Variants in AUTS2 observed in about 807,000 individuals in gnomAD.
AUTS2 encodes the protein activator of transcription and developmental regulator AUTS2.
Under a neutral mutation model 112.4 loss-of-function variants are expected in AUTS2, and 17 were observed. The observed-to-expected ratio is 0.15, with a 90% CI of 0.10 to 0.23. AUTS2 has a LOEUF of 0.23. AUTS2 is among the 10% of genes least tolerant of loss of function. AUTS2 has a pLI of 1.00. For missense variants in AUTS2, 1,510 were observed against 1,701.6 expected (o/e 0.89, Z 1.98); for synonymous variants, 751 against 702.7 (o/e 1.07, Z -1.09).
intron 1 of AUTS2, among the ~76,000 whole-genome samples, chr7:69,884,737 C>T (rs1294541732): frequency 3.3e-5 from 5 of 152,212 alleles, no homozygotes; most frequent in Non-Finnish European, 2.9e-5. Context: ...AATTGCCTCA[C>T]AGCATCTGAT....
At chr7:70,240,638 A>G (rs1812562656) in intron 4 of AUTS2, among the ~76,000 whole-genome samples, 1 of 152,188 alleles carries the variant, frequency 6.6e-6, no homozygotes, top group Non-Finnish European at 1.5e-5. Flanking sequence ...CAAGGCTTGC[A>G]TGCCATTTTT....
At chr7:69,714,249 ATGTG>A (rs200192496) in intron 1 of AUTS2, among the ~76,000 whole-genome samples, 48 of 92,854 alleles carry the variant, frequency 5.2e-4, no homozygotes, top group Admixed American at 1.2e-3. Flanking sequence ...GTGTGTGTAT[ATGTG>A]TGTGTGTGTG....
intron 1 of AUTS2, among the ~76,000 whole-genome samples, chr7:69,687,290 G>T (rs1797103644): frequency 6.6e-6 from 1 of 152,206 alleles, no homozygotes; most frequent in South Asian, 2.1e-4. Context: ...ATTGACTTAA[G>T]ACCACAGTGA....
At chr7:70,723,777 G>T (rs113511499) in intron 6 of AUTS2, among the ~76,000 whole-genome samples, 189 of 149,012 alleles carry the variant, frequency 1.3e-3, no homozygotes, top group African/African-American at 4.6e-3. Flanking sequence ...CACATGTAAA[G>T]CTGATTTGTT....
chr7:70,606,531 G>A lies in AUTS2; in HGVS notation c.691-92038G>A, dbSNP rs149460031. 1.7e-3 allele frequency among the ~76,000 whole-genome samples: 263 copies of A among 152,198 alleles called. 1 individual carries two copies. Among genetic ancestry groups the A allele is most frequent in the African/African-American group, 5.2e-3 (216 of 41,546 alleles). ...CATGAAGCTTATATTATAGTGCAGC[G>A]CCCATAAGCTTTTCAAAATCTTCAA... is the stretch of plus-strand genomic sequence containing the variant. On this transcript the variant is annotated intron_variant, in intron 5 of 18. Coordinates refer to ENST00000342771, the MANE Select transcript of AUTS2 (RefSeq NM_015570.4).
In AUTS2 at chr7:70,004,168, A is replaced by AT. The variant is rs1399464493; in HGVS notation, c.522+104671dup. Among the ~76,000 whole-genome samples the AT allele has an allele frequency of 2.2e-4, 26 of 118,998 alleles. 2 individuals carry two copies. The highest frequency in any genetic ancestry group is 6.2e-4 in the African/African-American group (19 of 30,462). The allele number at this position is 118,998 out of a possible 152,430, so 78.1% of individuals were successfully genotyped here. A position where few individuals can be genotyped will look rare whatever the true frequency, so the allele number is the denominator to read the frequency against. ...ATGAATGTGTTATATGTGAATATATATAATATGAATGTGTTATATGTGAAT... is the reference window on the plus strand; with the variant it reads ...ATGAATGTGTTATATGTGAATATATATTAATATGAATGTGTTATATGTGAAT... On this transcript the variant is annotated intron_variant, in intron 2 of 18. Coordinates refer to ENST00000342771, the MANE Select transcript of AUTS2 (RefSeq NM_015570.4).
chr7:70,171,754 G>T (rs992906337), intron 4 of AUTS2, among the ~76,000 whole-genome samples: 2 of 152,290 alleles, frequency 1.3e-5, no homozygotes, highest in Middle Eastern at 3.4e-3. Flanking sequence ...TCAGCATTCC[G>T]GTAAATGGAG....
intron 1 of AUTS2, among the ~76,000 whole-genome samples, chr7:69,842,227 G>T (rs1434216233): frequency 6.6e-6 from 1 of 152,032 alleles, no homozygotes; most frequent in African/African-American, 2.4e-5. Context: ...TAATATTATG[G>T]TTTGGTAGAT....
chr7:70,466,592 C>T (rs770653430), intron 5 of AUTS2, among the ~76,000 whole-genome samples: 10 of 152,166 alleles, frequency 6.6e-5, no homozygotes, highest in Admixed American at 1.3e-4. Flanking sequence ...AGGTTTTCTT[C>T]GTGGACAAAT....
At chr7:70,724,915 G>A (rs1476131147) in intron 6 of AUTS2, among the ~76,000 whole-genome samples, 2 of 152,166 alleles carry the variant, frequency 1.3e-5, no homozygotes, top group Non-Finnish European at 2.9e-5. Context: ...TGGGGAGGGA[G>A]TGAGTTTGAG....
chr7:70,150,555 T>C (rs1807374632), intron 4 of AUTS2, among the ~76,000 whole-genome samples: 2 of 152,202 alleles, frequency 1.3e-5, no homozygotes, highest in African/African-American at 4.8e-5. Context: ...ACTAGAACTT[T>C]TTTTTCTCAA....
chr7:70,758,197 A>G (rs574653097), intron 6 of AUTS2, among the ~76,000 whole-genome samples: 2 of 152,272 alleles, frequency 1.3e-5, no homozygotes, highest in South Asian at 4.1e-4. Flanking sequence ...TACAGCTGCA[A>G]GGTGTTCCAT....
intron 1 of AUTS2, among the ~76,000 whole-genome samples, chr7:69,625,563 G>T (rs772381371): frequency 6.6e-6 from 1 of 152,110 alleles, no homozygotes; most frequent in East Asian, 1.9e-4. Flanking sequence ...GACGGATTTC[G>T]AAAGTGTTAT....
chr7:70,584,039 C>T (rs756383684), intron 5 of AUTS2, among the ~76,000 whole-genome samples: 6 of 152,092 alleles, frequency 3.9e-5, no homozygotes, highest in Non-Finnish European at 8.8e-5. Flanking sequence ...ATATTTTTGC[C>T]GTTGAATTTG....
At chr7:69,951,377 C>T (rs1386056001) in intron 2 of AUTS2, among the ~76,000 whole-genome samples, 1 of 151,810 alleles carries the variant, frequency 6.6e-6, no homozygotes, top group Non-Finnish European at 1.5e-5. Context: ...AGTTCTTGTT[C>T]TGATCAGGAT....
chr7:70,682,625 G>A (rs906823663), intron 5 of AUTS2, among the ~76,000 whole-genome samples: 6 of 152,174 alleles, frequency 3.9e-5, no homozygotes, highest in South Asian at 2.1e-4. Context: ...TTCCATTCTC[G>A]CAGTGTTGAT....
At chr7:69,989,133 T>C (rs778307563) in intron 2 of AUTS2, among the ~76,000 whole-genome samples, 9 of 152,238 alleles carry the variant, frequency 5.9e-5, no homozygotes, top group Admixed American at 2.6e-4. Flanking sequence ...ATCTGTACCA[T>C]GTAATTTGTA....
intron 2 of AUTS2, among the ~76,000 whole-genome samples, chr7:70,022,370 G>T (rs1436456357): frequency 6.6e-6 from 1 of 151,434 alleles, no homozygotes; most frequent in African/African-American, 2.4e-5. Context: ...GCCCAAGCTG[G>T]AGTGCTGTGG....
At chr7:70,278,897 C>T (rs2129610143) in intron 4 of AUTS2, among the ~76,000 whole-genome samples, 1 of 152,238 alleles carries the variant, frequency 6.6e-6, no homozygotes. Flanking sequence ...GTTTTTTCTA[C>T]ATTTCTACTA....
Sources: gnomAD v4.1 joint callset for allele counts (sites outside exome capture counted in the v4.1 genomes callset) on GRCh38, gnomAD v4.1.1 for gene constraint, MANE v1.5 for transcripts, NCBI Gene and HGNC (gene_info 2026-07-23, HGNC 2026-07-21) for gene names.